SLCO3A1: variants seen among roughly 807,000 people sequenced by gnomAD.
SLCO3A1 encodes the protein solute carrier organic anion transporter family member 3A1, also known as PGE1 transporter.
SLCO3A1 carries 27 observed loss-of-function variants against 63.1 expected under a neutral mutation model. The ratio of observed to expected loss-of-function variants is 0.43; its 90% CI spans 0.32 to 0.59. The LOEUF is 0.59. SLCO3A1 is among the 20% of genes least tolerant of loss of function. The pLI is 0.09. For synonymous variants in SLCO3A1, 473 were observed against 409.9 expected (o/e 1.15, Z -1.86); for missense variants, 773 against 945.8 (o/e 0.82, Z 2.40).
intron 2 of SLCO3A1, among the ~76,000 whole-genome samples, chr15:92,052,802 A>G (rs1353224408): frequency 2.0e-5 from 3 of 147,358 alleles, no homozygotes; most frequent in African/African-American, 7.3e-5. Flanking sequence ...TACATTTTAT[A>G]TTTATATAAA....
At chr15:91,939,478 TCCCAGCTTTGCAG>T (rs1899539584) in intron 2 of SLCO3A1, among the ~76,000 whole-genome samples, 2 of 152,120 alleles carry the variant, frequency 1.3e-5, no homozygotes, top group South Asian at 2.1e-4. Flanking sequence ...AGCCTCCACC[TCCCAGCTTTGCAG>T]GGCTGGGCAG....
intron 7 of SLCO3A1, among the ~76,000 whole-genome samples, chr15:92,144,567 T>A (rs1198656150): frequency 6.6e-6 from 1 of 152,236 alleles, no homozygotes; most frequent in East Asian, 1.9e-4. Flanking sequence ...ACTTCTGTTG[T>A]CAGAGGTTCT....
rs902458573 is a variant in SLCO3A1, at chr15:91,854,300, C to G, written c.180+212C>G. On this transcript the variant is annotated intron_variant, in intron 1 of 9. Transcript: ENST00000318445. This position sits in a 1 kb window ranked among gnomAD's most constrained non-coding sequence, Gnocchi z 6.4. ...GGGTAGCGGGCGGGACCGTTGATGCCGGTAGCAGCTCGCGCGCGTCCGGCT... is the reference window on the plus strand; with the variant it reads ...GGGTAGCGGGCGGGACCGTTGATGCGGGTAGCAGCTCGCGCGCGTCCGGCT... The G allele has an allele frequency of 8.3e-6, 9 of 1,087,652 alleles. No individual in the cohort carries two copies. The highest frequency in any genetic ancestry group is 3.4e-6 in the Non-Finnish European group (3 of 895,392). The allele number at this position is 1,087,652 out of a possible 1,614,324, so 67.4% of individuals were successfully genotyped here.
intron 7 of SLCO3A1, among the ~76,000 whole-genome samples, chr15:92,132,019 G>C (rs2048002331): frequency 6.9e-6 from 1 of 145,538 alleles, no homozygotes; most frequent in African/African-American, 2.5e-5. Context: ...CATGGCTCTG[G>C]ATAAAGGCTC....
intron 2 of SLCO3A1, among the ~76,000 whole-genome samples, chr15:92,074,637 A>G (rs1005251030): frequency 1.3e-5 from 2 of 152,160 alleles, no homozygotes; most frequent in African/African-American, 4.8e-5. Context: ...TAGAACCCCG[A>G]TGCTCAGATT....
rs370490357 is a variant in SLCO3A1, at chr15:91,960,607, C to T, written c.646+44149C>T. On this transcript the variant is annotated intron_variant, in intron 2 of 9. Coordinates refer to ENST00000318445, the MANE Select transcript of SLCO3A1 (RefSeq NM_013272.4). Reference sequence around the variant, plus strand: ...TTTGAGAGAGCTATTTTACTTATCTCAGCAGACATTCTTTTGATACAGGAG... The same window carrying T: ...TTTGAGAGAGCTATTTTACTTATCTTAGCAGACATTCTTTTGATACAGGAG... 1.5e-3 allele frequency among the ~76,000 whole-genome samples: 230 copies of T among 152,280 alleles called. 1 individual carries two copies. Among genetic ancestry groups the T allele is most frequent in the African/African-American group, 5.2e-3 (216 of 41,552 alleles).
At chr15:92,074,052 T>G (rs1461405198) in intron 2 of SLCO3A1, among the ~76,000 whole-genome samples, 7 of 152,116 alleles carry the variant, frequency 4.6e-5, no homozygotes, top group Non-Finnish European at 1.0e-4. Context: ...GCACCTGTAA[T>G]CCCAGCTACT....
chr15:92,099,395 A>C (rs2047577111), intron 3 of SLCO3A1, among the ~76,000 whole-genome samples: 1 of 152,122 alleles, frequency 6.6e-6, no homozygotes, highest in Admixed American at 6.5e-5. Flanking sequence ...GGAATTCTTG[A>C]GTCCCATAGC....
intron 2 of SLCO3A1, among the ~76,000 whole-genome samples, chr15:92,039,850 G>T (rs568275888): frequency 6.6e-6 from 1 of 152,098 alleles, no homozygotes; most frequent in South Asian, 2.1e-4. Flanking sequence ...TAAAGAAAAT[G>T]TGGTACATAT....
In SLCO3A1 at chr15:92,026,311, C is replaced by T. The variant is rs763940683; in HGVS notation, c.647-68570C>T. The stretch of plus-strand genomic sequence containing the variant: ...AAAGTGAAGGAAAGAATGGAGAAGG[C>T]AGGTGTGTGTTCCTTGTCTAATGGA... On this transcript the variant is annotated intron_variant, in intron 2 of 9. Transcript: ENST00000318445. Among the ~76,000 whole-genome samples the T allele has an allele frequency of 4.6e-5, 7 of 152,300 alleles. No individual in the cohort carries two copies. In the South Asian group the frequency reaches 6.2e-4, roughly 14 times the overall value.
At position 92,134,597 on chromosome 15, in the gene SLCO3A1, A is replaced by T. The variant is rs897717903; in HGVS notation, c.1512+6108A>T. On this transcript the variant is annotated intron_variant, in intron 7 of 9. Coordinates refer to ENST00000318445, the MANE Select transcript of SLCO3A1 (RefSeq NM_013272.4). ...CATCTAAATATATGCATATCTTTGC[A>T]TAAAAAATATTGGAAGAACATATAG... Among the ~76,000 whole-genome samples the T allele has an allele frequency of 1.2e-4, 18 of 152,364 alleles. 1 individual carries two copies. The highest frequency in any genetic ancestry group is 4.3e-4 in the African/African-American group (18 of 41,580).
At chr15:92,032,824 T>TG (rs2046670957) in intron 2 of SLCO3A1, among the ~76,000 whole-genome samples, 1 of 151,076 alleles carries the variant, frequency 6.6e-6, no homozygotes, top group African/African-American at 2.4e-5. Context: ...GGAGCATGGT[T>TG]GGATTGCCCT....
chr15:92,095,629 A>T (rs1484817930), intron 3 of SLCO3A1, among the ~76,000 whole-genome samples: 1 of 152,246 alleles, frequency 6.6e-6, no homozygotes, highest in African/African-American at 2.4e-5. Context: ...GGGCTAGACT[A>T]TTCTGTGGTG....
rs752406831 is a variant in SLCO3A1 at position 92,128,489 on chromosome 15, G to A, written c.1512G>A (p.Thr504=). 1.2e-6 allele frequency: 2 copies of A among 1,612,834 alleles called. No individual in the cohort carries two copies. The highest frequency in any genetic ancestry group is 1.7e-6 in the Non-Finnish European group (2 of 1,179,430). ...CCTGCTTTGCTGGCTGCAACAGCAC[G>A]GTAATGGGATGGGGCAGGGGATGGG... is the stretch of plus-strand genomic sequence containing the variant. ...LSACFAGCNS[T]NLTGCACLTT... is the part of the protein sequence containing the mutation. Residue 504 remains threonine, a splice_region_variant and synonymous_variant, in exon 7 of 10, where the codon ACG becomes ACA. Coordinates refer to ENST00000318445, the MANE Select transcript of SLCO3A1 (RefSeq NM_013272.4).
intron 1 of SLCO3A1, among the ~76,000 whole-genome samples, chr15:91,911,715 C>T (rs964792119): frequency 3.9e-5 from 6 of 152,088 alleles, no homozygotes; most frequent in African/African-American, 9.7e-5. Context: ...CAACCTCTGC[C>T]TCCCGGGTTC....
chr15:92,091,888 A>C (rs2047481935), intron 2 of SLCO3A1, among the ~76,000 whole-genome samples: 2 of 152,226 alleles, frequency 1.3e-5, no homozygotes, highest in Non-Finnish European at 2.9e-5. Context: ...ACCTTGAAAA[A>C]GCCACAATCC....
At chr15:91,955,637 T>A (rs545578959) in intron 2 of SLCO3A1, among the ~76,000 whole-genome samples, 11 of 152,366 alleles carry the variant, frequency 7.2e-5, no homozygotes, top group African/African-American at 2.6e-4. Flanking sequence ...CAGCCCATTC[T>A]GTGTCATTTT....
At chr15:92,148,776 A>G (rs2048265122) in intron 8 of SLCO3A1, 1 of 152,244 alleles carries the variant, frequency 6.6e-6, no homozygotes, top group South Asian at 2.1e-4. Context: ...TTTTATTACA[A>G]CGTTAACTAT....
At chr15:92,086,681 T>A (rs2047408403) in intron 2 of SLCO3A1, among the ~76,000 whole-genome samples, 1 of 152,188 alleles carries the variant, frequency 6.6e-6, no homozygotes. Flanking sequence ...AAGTTTGTTT[T>A]AAGAAATCTT....
Sources: allele counts gnomAD v4.1 joint callset (sites outside exome capture counted in the v4.1 genomes callset), GRCh38; gene constraint gnomAD v4.1.1; non-coding constraint Gnocchi (gnomAD v3.1); transcripts MANE v1.5; gene names NCBI Gene and HGNC (gene_info 2026-07-23, HGNC 2026-07-21).